Variants in EFHC2 observed in about 807,000 individuals in gnomAD.
The protein encoded by EFHC2 is EF-hand domain-containing family member C2.
Under a neutral mutation model 52.7 loss-of-function variants are expected in EFHC2, and 18 were observed. That is an observed-to-expected ratio of 0.34 (90% CI 0.24 to 0.51). The LOEUF (loss-of-function observed/expected upper bound fraction) is 0.51, where lower values mean the gene tolerates loss of function less well. EFHC2 is among the 20% of genes least tolerant of loss of function. The probability of loss-of-function intolerance (pLI) is 0.97; values close to 1 mark genes in which losing one functional copy is unlikely to be tolerated. For missense variants in EFHC2, 513 were observed against 562.5 expected, an observed-to-expected ratio of 0.91 and a Z score of 0.89; for synonymous variants, 203 against 204.1, an observed-to-expected ratio of 0.99 and a Z score of 0.04.
At chrX:44,221,813 C>T (rs751898518) in intron 11 of EFHC2, among the ~76,000 whole-genome samples, 7 of 112,033 alleles carry the variant, frequency 6.2e-5, no homozygotes, top group Non-Finnish European at 1.1e-4. Flanking sequence ...TTTAGTCTCA[C>T]GCTTCTTGTC....
intron 14 of EFHC2, among the ~76,000 whole-genome samples, chrX:44,151,103 G>A (rs1602121034): frequency 9.0e-6 from 1 of 110,905 alleles, no homozygotes; most frequent in South Asian, 3.9e-4. Context: ...GGAAGAGGCA[G>A]GGAAGGATTC....
intron 8 of EFHC2, 27 bp from the exon 9 acceptor site, chrX:44,235,474 A>C: frequency 8.8e-7 from 1 of 1,142,461 alleles, no homozygotes; most frequent in Non-Finnish European, 1.2e-6. Flanking sequence ...TGAGAGTTAG[A>C]GCATTATACA....
At chrX:44,217,601 A>G (rs1356513810) in intron 11 of EFHC2, among the ~76,000 whole-genome samples, 1 of 111,543 alleles carries the variant, frequency 9.0e-6, no homozygotes, top group Non-Finnish European at 1.9e-5. Context: ...ACAAAAGACA[A>G]ACATCACATG....
chrX:44,290,436 ATAAG>A (rs1397679994), intron 2 of EFHC2, among the ~76,000 whole-genome samples: 1 of 111,515 alleles, frequency 9.0e-6, no homozygotes, highest in African/African-American at 3.3e-5. Context: ...TACTTTTAAA[ATAAG>A]TATTTTTCTT....
chrX:44,261,074 C>A lies in EFHC2; in HGVS notation c.606+1G>T. The A allele has an allele frequency of 8.3e-7, 1 of 1,202,188 alleles. No individual in the cohort carries two copies. The highest frequency in any genetic ancestry group is 1.1e-6 in the Non-Finnish European group (1 of 888,346). On this transcript the variant is annotated splice_donor_variant, in intron 4 of 14. Coordinates refer to ENST00000420999, the MANE Select transcript of EFHC2 (RefSeq NM_025184.4). LOFTEE classifies it high-confidence loss of function. ...GAACTCAACAAACGTCAATTCCTTA[C>A]CTCTCTCCGAATCTTCATGTAAGGA... is the stretch of plus-strand genomic sequence containing the variant.
intron 11 of EFHC2, among the ~76,000 whole-genome samples, chrX:44,180,958 G>T (rs1215379490): frequency 2.8e-5 from 3 of 107,055 alleles, no homozygotes; most frequent in East Asian, 5.8e-4. Flanking sequence ...GCTGGGCATG[G>T]TGGCATGCAC....
chrX:44,294,080 A>C (rs1265569053), intron 2 of EFHC2, among the ~76,000 whole-genome samples: 1 of 111,218 alleles, frequency 9.0e-6, no homozygotes, highest in African/African-American at 3.3e-5. Flanking sequence ...AAGAATCTAT[A>C]CTGTAGGTGA....
At chrX:44,157,422 G>A (rs2036615772) in intron 14 of EFHC2, among the ~76,000 whole-genome samples, 2 of 111,084 alleles carry the variant, frequency 1.8e-5, no homozygotes, top group Non-Finnish European at 3.8e-5. Flanking sequence ...TTTTCACTCT[G>A]CTTTCTGCCC....
intron 1 of EFHC2, among the ~76,000 whole-genome samples, chrX:44,315,004 T>C (rs1468377862): frequency 2.7e-5 from 3 of 111,627 alleles, no homozygotes; most frequent in African/African-American, 9.8e-5. Flanking sequence ...TTCTCAGTGT[T>C]GGAGGTGGGG....
rs968830333 is a variant in EFHC2, at chrX:44,251,928, T to C, written c.607-1483A>G. The stretch of plus-strand genomic sequence containing the variant: ...CTTAAGATTTATATGTTTGACTCCG[T>C]ATTAATTATATCTCAACCAAATACA... On this transcript the variant is annotated intron_variant, in intron 4 of 14. Transcript: ENST00000420999. Among the ~76,000 whole-genome samples the C allele has an allele frequency of 2.7e-5, 3 of 111,515 alleles. No homozygotes were observed. The East Asian group carries it at 8.4e-4, about 31-fold the overall frequency.
chrX:44,162,613 T>C (rs2036665472), intron 14 of EFHC2, among the ~76,000 whole-genome samples: 1 of 111,471 alleles, frequency 9.0e-6, no homozygotes, highest in Non-Finnish European at 1.9e-5. Context: ...CCACACCAAT[T>C]CCTCCTGGTT....
In EFHC2 at chrX:44,240,942, G is replaced by A. The variant is rs149850185; in HGVS notation, c.1280+1179C>T. Among the ~76,000 whole-genome samples, 4 of 111,860 alleles carry A rather than the reference G, an allele frequency of 3.6e-5. No homozygotes were observed. The East Asian group carries it at 1.1e-3, about 32-fold the overall frequency. ...CAAAGGACATCATGTCATAGCAAAG[G>A]CAGACTTTAAGACATTCTATATAAT... On this transcript the variant is annotated intron_variant, in intron 8 of 14. Transcript: ENST00000420999.
At chrX:44,253,251 T>C (rs1224270475) in intron 4 of EFHC2, among the ~76,000 whole-genome samples, 2 of 108,252 alleles carry the variant, frequency 1.8e-5, no homozygotes, top group Non-Finnish European at 3.8e-5. Context: ...TTTTTTTTCA[T>C]ACCCCAGTGG....
chrX:44,339,144 T>C (rs1416532137), intron 1 of EFHC2, among the ~76,000 whole-genome samples: 3 of 103,377 alleles, frequency 2.9e-5, no homozygotes, highest in Non-Finnish European at 5.8e-5. Context: ...TGAGCCGAGA[T>C]GGCGCCATTG....
At chrX:44,309,496 G>A in intron 2 of EFHC2, 2 of 1,207,548 alleles carry the variant, frequency 1.7e-6, no homozygotes, top group Non-Finnish European at 2.2e-6. Flanking sequence ...AAGTCTGTCT[G>A]CCACAAACTC....
intron 11 of EFHC2, among the ~76,000 whole-genome samples, chrX:44,220,182 T>C (rs1489568035): frequency 9.0e-6 from 1 of 111,531 alleles, no homozygotes; most frequent in Non-Finnish European, 1.9e-5. Flanking sequence ...ACACAACTTT[T>C]ACATTTTTGG....
At chrX:44,253,648 A>G (rs1482429389) in intron 4 of EFHC2, among the ~76,000 whole-genome samples, 1 of 112,077 alleles carries the variant, frequency 8.9e-6, no homozygotes, top group Admixed American at 9.4e-5. Flanking sequence ...TAAAACTCCC[A>G]TCTTCCTGGG....
chrX:44,232,574 G>A lies in EFHC2; in HGVS notation c.1527C>T (p.Tyr509=). 2.5e-6 allele frequency: 3 copies of A among 1,194,901 alleles called. No individual in the cohort carries two copies. Among genetic ancestry groups the A allele is most frequent in the Non-Finnish European group, 3.4e-6 (3 of 886,405 alleles). ...LSEYIKAEEL[Y]IGVTVNVNGY... is the part of the protein sequence containing the mutation. ...CATTCACATTCACCGTGACTCCAAT[G>A]TACAGCTCCTCGGCCTTGATATATT... Residue 509 remains tyrosine, a synonymous_variant, in exon 10 of 15, where the codon TAC becomes TAT. Coordinates refer to ENST00000420999, the MANE Select transcript of EFHC2 (RefSeq NM_025184.4).
chrX:44,233,354 A>G (rs377573492), intron 9 of EFHC2, among the ~76,000 whole-genome samples: 86 of 112,312 alleles, frequency 7.7e-4, no homozygotes, highest in Middle Eastern at 4.7e-3. Context: ...TTTTTTTCCT[A>G]CAGGTAAAAT....
Sources: gnomAD v4.1 joint callset for allele counts (sites outside exome capture counted in the v4.1 genomes callset) on GRCh38, gnomAD v4.1.1 for gene constraint, MANE v1.5 for transcripts, NCBI Gene and HGNC (gene_info 2026-07-23, HGNC 2026-07-21) for gene names.